Variants in DPP10 observed in about 807,000 individuals in gnomAD.
The protein encoded by DPP10 is inactive dipeptidyl peptidase 10.
Under a neutral mutation model 120.9 loss-of-function variants are expected in DPP10, and 33 were observed. That is an observed-to-expected ratio of 0.27 (90% CI 0.21 to 0.37). The LOEUF is 0.37. Ranked by LOEUF, DPP10 falls within the 10% of genes least tolerant of loss-of-function variation. DPP10 has a pLI of 1.00. For missense variants in DPP10, 816 were observed against 942.8 expected, an observed-to-expected ratio of 0.87 and a Z score of 1.76; for synonymous variants, 337 against 326.1, an observed-to-expected ratio of 1.03 and a Z score of -0.36.
At chr2:115,572,298 T>G (rs568859029) in intron 5 of DPP10, among the ~76,000 whole-genome samples, 1 of 152,164 alleles carries the variant, frequency 6.6e-6, no homozygotes, top group Non-Finnish European at 1.5e-5. Context: ...TTTTCTAAAC[T>G]TACGTCTTTT....
At chr2:114,523,459 A>C (rs11674031) in intron 1 of DPP10, among the ~76,000 whole-genome samples, 1 of 152,072 alleles carries the variant, frequency 6.6e-6, no homozygotes, top group Admixed American at 6.5e-5. Flanking sequence ...CAGTTTCCCA[A>C]TGGTGTCTCC....
chr2:115,127,944 C>T (rs979324428), intron 1 of DPP10, among the ~76,000 whole-genome samples: 1 of 152,062 alleles, frequency 6.6e-6, no homozygotes, highest in East Asian at 1.9e-4. Flanking sequence ...TTTTGTTTAT[C>T]TTTTTCATGT....
chr2:114,972,067 C>T (rs959384692), intron 1 of DPP10, among the ~76,000 whole-genome samples: 2 of 152,062 alleles, frequency 1.3e-5, no homozygotes, highest in African/African-American at 4.8e-5. Context: ...TGTTAAAACC[C>T]CATTTAGAAT....
intron 1 of DPP10, among the ~76,000 whole-genome samples, chr2:115,123,601 C>T (rs771343801): frequency 2.0e-5 from 3 of 152,248 alleles, no homozygotes; most frequent in South Asian, 2.1e-4. Flanking sequence ...TATCAGGAAG[C>T]GGCTGATGAC....
chr2:115,448,491 A>G (rs2072821795), intron 3 of DPP10, among the ~76,000 whole-genome samples: 1 of 152,162 alleles, frequency 6.6e-6, no homozygotes, highest in Non-Finnish European at 1.5e-5. Context: ...ATCTGCTAGT[A>G]TGGGAGAAAA....
intron 5 of DPP10, among the ~76,000 whole-genome samples, chr2:115,636,421 T>C (rs2149334993): frequency 6.6e-6 from 1 of 152,330 alleles, no homozygotes; most frequent in South Asian, 2.1e-4. Flanking sequence ...TATAATTTTA[T>C]TAAACTGTTT....
chr2:115,715,893 A>G (rs2149590758), intron 7 of DPP10, among the ~76,000 whole-genome samples: 1 of 152,330 alleles, frequency 6.6e-6, no homozygotes, highest in Non-Finnish European at 1.5e-5. Context: ...CAGGAAGTCT[A>G]CCTAGCTGTT....
intron 1 of DPP10, among the ~76,000 whole-genome samples, chr2:114,746,439 A>T (rs971061100): frequency 6.6e-6 from 1 of 152,186 alleles, no homozygotes; most frequent in Non-Finnish European, 1.5e-5. Flanking sequence ...CAGAAAAATC[A>T]ATACATTTGT....
chr2:115,058,668 A>T (rs910135185), intron 1 of DPP10, among the ~76,000 whole-genome samples: 3 of 152,196 alleles, frequency 2.0e-5, no homozygotes, highest in Non-Finnish European at 4.4e-5. Context: ...CCCAAAGTGC[A>T]GGGATTACAG....
intron 1 of DPP10, among the ~76,000 whole-genome samples, chr2:114,812,591 C>G (rs949896964): frequency 2.6e-5 from 4 of 151,024 alleles, no homozygotes; most frequent in Admixed American, 6.6e-5. Context: ...TTGACACACA[C>G]ACACACACAC....
chr2:115,464,768 C>T (rs2074213861), intron 3 of DPP10, among the ~76,000 whole-genome samples: 1 of 152,094 alleles, frequency 6.6e-6, no homozygotes, highest in African/African-American at 2.4e-5. Context: ...ATGGCCTCCC[C>T]TTGGCCTTAT....
chr2:114,888,129 C>A (rs1455478648), intron 1 of DPP10, among the ~76,000 whole-genome samples: 7 of 138,390 alleles, frequency 5.1e-5, no homozygotes, highest in Middle Eastern at 4.0e-3. Flanking sequence ...GGCGACAGAG[C>A]GAGCCTCCGT....
intron 1 of DPP10, among the ~76,000 whole-genome samples, chr2:114,511,604 A>G (rs1237767088): frequency 2.6e-5 from 4 of 152,196 alleles, no homozygotes; most frequent in Non-Finnish European, 4.4e-5. Flanking sequence ...AGAGTTACAC[A>G]TTTTCCAAGA....
intron 5 of DPP10, among the ~76,000 whole-genome samples, chr2:115,527,087 G>T (rs987755028): frequency 1.3e-5 from 2 of 152,058 alleles, no homozygotes; most frequent in African/African-American, 4.8e-5. Flanking sequence ...AGCTTGAAAA[G>T]TCTGCTATAT....
chr2:115,136,932 A>C (rs991306906), intron 1 of DPP10, among the ~76,000 whole-genome samples: 2 of 152,196 alleles, frequency 1.3e-5, no homozygotes, highest in African/African-American at 4.8e-5. Context: ...TGTAGACTAC[A>C]TTAGTTCTCC....
At chr2:115,117,197 G>A (rs2049558988) in intron 1 of DPP10, among the ~76,000 whole-genome samples, 1 of 152,156 alleles carries the variant, frequency 6.6e-6, no homozygotes. Context: ...CCAGGACAAA[G>A]AGTAGATTAT....
At chr2:115,415,591 A>G (rs1244618792) in intron 3 of DPP10, among the ~76,000 whole-genome samples, 1 of 152,016 alleles carries the variant, frequency 6.6e-6, no homozygotes, top group Non-Finnish European at 1.5e-5. Context: ...TAGAAACTTA[A>G]TTGCACTTCT....
At chr2:115,129,815 C>T in intron 1 of DPP10, among the ~76,000 whole-genome samples, 1 of 152,150 alleles carries the variant, frequency 6.6e-6, no homozygotes, top group East Asian at 1.9e-4. Flanking sequence ...CAACTCCAGA[C>T]ATAGTGATTC....
chr2:114,627,819 T>G (rs1160201681), intron 1 of DPP10, among the ~76,000 whole-genome samples: 1 of 152,114 alleles, frequency 6.6e-6, no homozygotes, highest in Admixed American at 6.6e-5. Context: ...CTGGGGCTGT[T>G]AGGATGCAAG....
Sources: gnomAD v4.1 joint callset for allele counts (sites outside exome capture counted in the v4.1 genomes callset) on GRCh38, gnomAD v4.1.1 for gene constraint, MANE v1.5 for transcripts, NCBI Gene and HGNC (gene_info 2026-07-23, HGNC 2026-07-21) for gene names.